Variants in EPHA5 observed in about 807,000 individuals in gnomAD.
EPHA5 encodes the protein ephrin type-A receptor 5.
Under a neutral mutation model 105.0 loss-of-function variants are expected in EPHA5, and 60 were observed. That is an observed-to-expected ratio of 0.57 (90% CI 0.46 to 0.71). EPHA5 has a LOEUF of 0.71. Among genes scored for constraint, EPHA5 ranks in the 30% least tolerant of loss-of-function variants. EPHA5 has a pLI of 0.00. For missense variants in EPHA5, 1,218 were observed against 1,274.7 expected, an observed-to-expected ratio of 0.96 and a Z score of 0.68; for synonymous variants, 513 against 449.1, an observed-to-expected ratio of 1.14 and a Z score of -1.80.
intron 2 of EPHA5, among the ~76,000 whole-genome samples, chr4:65,630,703 G>A (rs1746551519): frequency 1.3e-5 from 2 of 152,074 alleles, no homozygotes; most frequent in Admixed American, 6.6e-5. Flanking sequence ...TTCTTCTAAG[G>A]AGGCAAGAAT....
intron 5 of EPHA5, among the ~76,000 whole-genome samples, chr4:65,426,060 C>T (rs1367337006): frequency 1.3e-5 from 2 of 152,078 alleles, no homozygotes; most frequent in African/African-American, 4.8e-5. Context: ...CCTTCCTGGC[C>T]TTCAGGGAGT....
intron 14 of EPHA5, among the ~76,000 whole-genome samples, chr4:65,343,590 G>A (rs1290939001): frequency 6.6e-6 from 1 of 152,110 alleles, no homozygotes; most frequent in Non-Finnish European, 1.5e-5. Flanking sequence ...TTTCTCCAAA[G>A]AAATATTTAG....
intron 1 of EPHA5, among the ~76,000 whole-genome samples, chr4:65,660,537 T>C (rs1023773995): frequency 6.6e-6 from 1 of 152,118 alleles, no homozygotes; most frequent in Non-Finnish European, 1.5e-5. Flanking sequence ...ACTAACATTT[T>C]GGTGTACCCA....
At chr4:65,669,404 G>A in intron 1 of EPHA5, 158 bp downstream of exon 1, 4 of 985,366 alleles carry the variant, frequency 4.1e-6, no homozygotes, top group Non-Finnish European at 4.8e-6. Context: ...GCAGAGGGGA[G>A]CGAAAAGGCC....
At chr4:65,441,109 T>C (rs1725968875) in intron 5 of EPHA5, among the ~76,000 whole-genome samples, 1 of 152,138 alleles carries the variant, frequency 6.6e-6, no homozygotes, top group African/African-American at 2.4e-5. Flanking sequence ...ATAATCCCTG[T>C]CAATATACTA....
chr4:65,465,489 AAGAAAG>A (rs1185678561), intron 5 of EPHA5, among the ~76,000 whole-genome samples: 1 of 110,966 alleles, frequency 9.0e-6, no homozygotes, highest in African/African-American at 3.1e-5. Flanking sequence ...GAAAGAAAGA[AAGAAAG>A]AAAGAAAGAA....
At chr4:65,331,120 A>T (rs11943262) in intron 16 of EPHA5, 257,539 of 1,034,616 alleles carry the variant, frequency 0.25, 32,419 homozygotes, top group East Asian at 0.34. Flanking sequence ...CATTTTCTAA[A>T]CCTTACAATA....
chr4:65,395,657 A>G (rs1047246591), intron 8 of EPHA5, among the ~76,000 whole-genome samples: 5 of 152,328 alleles, frequency 3.3e-5, no homozygotes, highest in African/African-American at 1.2e-4. Flanking sequence ...CAATTGTTGA[A>G]TAGAACATAA....
chr4:65,341,139 G>A (rs902281559), intron 14 of EPHA5, among the ~76,000 whole-genome samples: 2 of 152,016 alleles, frequency 1.3e-5, no homozygotes, highest in African/African-American at 4.8e-5. Flanking sequence ...GAGGGCTGGA[G>A]GGCCTAGATT....
intron 3 of EPHA5, among the ~76,000 whole-genome samples, chr4:65,564,492 T>C (rs1360942587): frequency 6.6e-6 from 1 of 151,828 alleles, no homozygotes; most frequent in Admixed American, 6.6e-5. Flanking sequence ...TCTAGTGACC[T>C]GGCTATGAAT....
chr4:65,573,056 A>C (rs1740375239), intron 3 of EPHA5, among the ~76,000 whole-genome samples: 1 of 151,980 alleles, frequency 6.6e-6, no homozygotes, highest in Non-Finnish European at 1.5e-5. Flanking sequence ...AATAATAAAA[A>C]TAATAGTTAT....
At chr4:65,573,417 A>C in intron 3 of EPHA5, 1 of 550,442 alleles carries the variant, frequency 1.8e-6, no homozygotes, top group Non-Finnish European at 2.4e-6. Flanking sequence ...TCTCAAAAAA[A>C]AAAAAAAAAA....
At chr4:65,509,870 A>G (rs925849973) in intron 3 of EPHA5, among the ~76,000 whole-genome samples, 5 of 152,128 alleles carry the variant, frequency 3.3e-5, no homozygotes, top group Admixed American at 6.6e-5. Flanking sequence ...TATAAGTACA[A>G]TGCTAGACAA....
rs1419950865 is a variant in EPHA5, at chr4:65,378,907, AT to A, written c.1794-11484del. Among the ~76,000 whole-genome samples, 16 of 152,000 alleles carry A rather than the reference AT, an allele frequency of 1.1e-4. No individual in the cohort carries two copies. The East Asian group carries it at 2.9e-3, about 28-fold the overall frequency. On this transcript the variant is annotated intron_variant, in intron 8 of 16. Coordinates refer to ENST00000613740, the MANE Select transcript of EPHA5 (RefSeq NM_001281766.3). ...TACCTCAATTTACTGATATCTACTA[AT>A]GTAGAAAGCCTGCAGATATGGGTTC...
chr4:65,528,132 A>G (rs1192351797), intron 3 of EPHA5, among the ~76,000 whole-genome samples: 2 of 151,950 alleles, frequency 1.3e-5, no homozygotes, highest in East Asian at 3.9e-4. Flanking sequence ...ATGTTTCCTA[A>G]CCCATTTCTT....
intron 3 of EPHA5, among the ~76,000 whole-genome samples, chr4:65,551,590 T>G (rs1033968248): frequency 2.0e-5 from 3 of 152,122 alleles, no homozygotes; most frequent in African/African-American, 7.2e-5. Context: ...GTGCATATCA[T>G]ATACAGCACT....
At chr4:65,326,052 G>GTATA (rs1026421390) in intron 16 of EPHA5, among the ~76,000 whole-genome samples, 1 of 146,822 alleles carries the variant, frequency 6.8e-6, no homozygotes, top group Non-Finnish European at 1.5e-5. Context: ...GTATATATAT[G>GTATA]TATATATATA....
At chr4:65,374,198 G>A (rs538923220) in intron 8 of EPHA5, among the ~76,000 whole-genome samples, 1 of 152,018 alleles carries the variant, frequency 6.6e-6, no homozygotes, top group Non-Finnish European at 1.5e-5. Flanking sequence ...TGCTAAAAAT[G>A]TGGGCAGCCT....
At chr4:65,352,678 C>G (rs1355465013) in intron 12 of EPHA5, among the ~76,000 whole-genome samples, 2 of 151,838 alleles carry the variant, frequency 1.3e-5, no homozygotes, top group Non-Finnish European at 2.9e-5. Context: ...GCCTGATACA[C>G]TAAGAGAAAA....
Sources: gnomAD v4.1 joint callset for allele counts (sites outside exome capture counted in the v4.1 genomes callset) on GRCh38, gnomAD v4.1.1 for gene constraint, MANE v1.5 for transcripts, NCBI Gene and HGNC (gene_info 2026-07-23, HGNC 2026-07-21) for gene names.